The following NCKAP5 variants were observed in gnomAD, a reference collection of about 807,000 sequenced individuals.
The protein encoded by NCKAP5 is nck-associated protein 5.
NCKAP5 carries 92 observed loss-of-function variants against 167.0 expected under a neutral mutation model. The observed-to-expected ratio is 0.55, with a 90% confidence interval of 0.47 to 0.66. The LOEUF is 0.66. Ranked by LOEUF, NCKAP5 falls within the 30% of genes least tolerant of loss-of-function variation. The pLI, the probability that NCKAP5 is intolerant of heterozygous loss-of-function variation, is 0.00. For missense variants in NCKAP5, 2,378 were observed against 2,315.0 expected (o/e 1.03, Z -0.56); for synonymous variants, 891 against 877.4 (o/e 1.02, Z -0.27).
At chr2:133,306,147 T>C (rs979538456) in intron 3 of NCKAP5, among the ~76,000 whole-genome samples, 3 of 152,226 alleles carry the variant, frequency 2.0e-5, no homozygotes, top group African/African-American at 7.2e-5. Context: ...TGGAGGGTGG[T>C]AGCATTGGGG....
At chr2:133,649,993 T>C in the NCKAP5 span, among the ~76,000 whole-genome samples, 1 of 152,038 alleles carries the variant, frequency 6.6e-6, no homozygotes, top group Non-Finnish European at 1.5e-5. Flanking sequence ...AATAAAACTG[T>C]TAAAACTAAT....
intron 17 of NCKAP5, 90 bp from the exon 18 acceptor site, chr2:132,729,042 T>A: frequency 6.5e-7 from 1 of 1,543,794 alleles, no homozygotes; most frequent in Middle Eastern, 1.7e-4. Flanking sequence ...CATTCAGAAA[T>A]AATAAAAAAG....
At chr2:132,685,495 G>A (rs1480673762) in intron 19 of NCKAP5, among the ~76,000 whole-genome samples, 4 of 152,122 alleles carry the variant, frequency 2.6e-5, no homozygotes, top group African/African-American at 9.7e-5. Context: ...TGTTTCTCTG[G>A]TGGCAGACAG....
intron 10 of NCKAP5, among the ~76,000 whole-genome samples, chr2:132,862,878 G>A (rs1363902299): frequency 6.6e-6 from 1 of 152,024 alleles, no homozygotes; most frequent in East Asian, 1.9e-4. Context: ...CTGGAGTGCA[G>A]TGGCGCGATC....
chr2:133,490,190 C>T (rs1181755962), intron 3 of NCKAP5, among the ~76,000 whole-genome samples: 1 of 152,156 alleles, frequency 6.6e-6, no homozygotes, highest in Non-Finnish European at 1.5e-5. Flanking sequence ...CGGCTATAAC[C>T]CTGGAATTGG....
chr2:133,420,443 G>T (rs1689401486), intron 3 of NCKAP5, among the ~76,000 whole-genome samples: 1 of 152,180 alleles, frequency 6.6e-6, no homozygotes, highest in African/African-American at 2.4e-5. Context: ...GCTAGGCTAG[G>T]GCTGGGACAT....
At chr2:133,060,544 C>T (rs973544407) in intron 6 of NCKAP5, among the ~76,000 whole-genome samples, 2 of 152,178 alleles carry the variant, frequency 1.3e-5, no homozygotes, top group African/African-American at 4.8e-5. Flanking sequence ...GTCTCTCTCC[C>T]GTTTTCTAGC....
chr2:133,630,355 C>A, the NCKAP5 span, among the ~76,000 whole-genome samples: 8 of 152,062 alleles, frequency 5.3e-5, no homozygotes, highest in Admixed American at 3.9e-4. Context: ...GGAATTTCTT[C>A]TTTGAAGTGA....
chr2:133,294,871 G>C (rs1317635069), intron 4 of NCKAP5, among the ~76,000 whole-genome samples: 4 of 151,898 alleles, frequency 2.6e-5, no homozygotes, highest in African/African-American at 9.7e-5. Context: ...TTTTTTGCTA[G>C]AAGGGATGAG....
rs1027720334 is a variant in NCKAP5 at position 133,155,401 on chromosome 2, C to T, written c.208-25290G>A. ...TGGGGCTGAGAATCTGCACCTCTAA[C>T]TAGTTCCTGGGTGATGCGGATGCTG... On this transcript the variant is annotated intron_variant, in intron 5 of 19. Transcript: ENST00000409261. Among the ~76,000 whole-genome samples, 8 of 152,170 alleles carry T rather than the reference C, an allele frequency of 5.3e-5. No homozygotes were observed. The East Asian group carries it at 1.2e-3, about 22-fold the overall frequency.
intron 16 of NCKAP5, among the ~76,000 whole-genome samples, chr2:132,753,698 T>C (rs1436764356): frequency 6.6e-6 from 1 of 152,122 alleles, no homozygotes; most frequent in East Asian, 1.9e-4. Context: ...TGAGGGAATG[T>C]TTTTCAAGGG....
chr2:132,962,474 A>G (rs1370306878), intron 8 of NCKAP5, among the ~76,000 whole-genome samples: 1 of 152,194 alleles, frequency 6.6e-6, no homozygotes, highest in Non-Finnish European at 1.5e-5. Context: ...ATTCTGCTTT[A>G]TTATCACCGA....
At chr2:133,449,495 G>A (rs1234473707) in intron 3 of NCKAP5, among the ~76,000 whole-genome samples, 1 of 152,186 alleles carries the variant, frequency 6.6e-6, no homozygotes. Flanking sequence ...CCTAAAATGG[G>A]AATACTAAAA....
chr2:133,135,955 T>C (rs1214325793), intron 5 of NCKAP5, among the ~76,000 whole-genome samples: 5 of 152,218 alleles, frequency 3.3e-5, no homozygotes, highest in Non-Finnish European at 7.4e-5. Context: ...AACCATTACA[T>C]ATTAAAGATA....
At chr2:133,319,468 T>A (rs958303419) in intron 3 of NCKAP5, among the ~76,000 whole-genome samples, 1 of 152,066 alleles carries the variant, frequency 6.6e-6, no homozygotes, top group Admixed American at 6.5e-5. Context: ...CCTTTTTTTT[T>A]AAGTATCTCC....
chr2:132,969,390 A>T (rs2149228144), intron 7 of NCKAP5, among the ~76,000 whole-genome samples: 1 of 152,306 alleles, frequency 6.6e-6, no homozygotes, highest in South Asian at 2.1e-4. Context: ...TTTCTAAATC[A>T]TTAGTGTCTA....
At chr2:133,457,784 A>G (rs1000652818) in intron 3 of NCKAP5, among the ~76,000 whole-genome samples, 2 of 152,182 alleles carry the variant, frequency 1.3e-5, no homozygotes, top group African/African-American at 4.8e-5. Flanking sequence ...ATTAGTGAGT[A>G]AATCTCAATT....
At position 132,784,818 on chromosome 2, in the gene NCKAP5, C is replaced by T; in HGVS notation, c.1993G>A (p.Glu665Lys). Residue 665 changes from glutamate to lysine, a missense_variant, in exon 14 of 20, where the codon GAA (glutamate) becomes AAA (lysine). By Grantham distance (56) the Glu-to-Lys change is moderately conservative (BLOSUM62 1). Coordinates refer to ENST00000409261, the MANE Select transcript of NCKAP5 (RefSeq NM_207363.3). ...QRVVKRTSSE[E>K]CVTVIFDAED... is the part of the protein sequence containing the mutation. ...GCATCAAATATCACAGTCACACATT[C>T]TTCTGAAGAAGTCCTTTTTACAACT... is the stretch of plus-strand genomic sequence containing the variant. 2 of 1,587,476 alleles carry T rather than the reference C, an allele frequency of 1.3e-6. No homozygotes were observed. The highest frequency in any genetic ancestry group is 1.7e-6 in the Non-Finnish European group (2 of 1,165,506).
intron 3 of NCKAP5, among the ~76,000 whole-genome samples, chr2:133,473,189 A>C (rs1416287020): frequency 1.3e-5 from 2 of 152,100 alleles, no homozygotes; most frequent in African/African-American, 4.8e-5. Context: ...AAAATTAGCC[A>C]GGCCTAGTGG....
Sources: allele counts gnomAD v4.1 joint callset (sites outside exome capture counted in the v4.1 genomes callset), GRCh38; gene constraint gnomAD v4.1.1; transcripts MANE v1.5; gene names NCBI Gene and HGNC (gene_info 2026-07-23, HGNC 2026-07-21).